ARHGAP6: variants seen among roughly 807,000 people sequenced by gnomAD.
The protein encoded by ARHGAP6 is rho GTPase-activating protein 6.
ARHGAP6 carries 16 observed loss-of-function variants against 55.7 expected under a neutral mutation model. The ratio of observed to expected loss-of-function variants is 0.29; its 90% CI spans 0.19 to 0.44. The LOEUF (loss-of-function observed/expected upper bound fraction) is 0.44, where lower values mean the gene tolerates loss of function less well. ARHGAP6 is among the 20% of genes least tolerant of loss of function. ARHGAP6 has a pLI of 1.00. For synonymous variants in ARHGAP6, 382 were observed against 360.9 expected (o/e 1.06, Z -0.66); for missense variants, 698 against 808.9 (o/e 0.86, Z 1.66).
At position 11,642,553 on chromosome X, in the gene ARHGAP6, T is replaced by G. The variant is rs767311415; in HGVS notation, c.588+21688A>C. Among the ~76,000 whole-genome samples the G allele has an allele frequency of 4.5e-5, 5 of 112,089 alleles. No homozygotes were observed. In the East Asian group the frequency reaches 1.4e-3, roughly 31 times the overall value. On this transcript the variant is annotated intron_variant, in intron 1 of 12. Transcript: ENST00000337414. The stretch of plus-strand genomic sequence containing the variant: ...AACAACCTAACTATCCATTAACTGA[T>G]GAATGGATCAATAAGATGTGGTCTA...
chrX:11,437,807 A>C (rs2050001478), intron 1 of ARHGAP6, among the ~76,000 whole-genome samples: 1 of 112,459 alleles, frequency 8.9e-6, no homozygotes, highest in Non-Finnish European at 1.9e-5. Context: ...CCAGAACCCC[A>C]CAGAGTGCTC....
At chrX:11,300,756 A>C in intron 1 of ARHGAP6, 1 of 561,477 alleles carries the variant, frequency 1.8e-6, no homozygotes, top group Non-Finnish European at 3.0e-6. Context: ...AATGCATTAA[A>C]AATCATTCAT....
intron 2 of ARHGAP6, among the ~76,000 whole-genome samples, chrX:11,236,829 G>A (rs1255536134): frequency 8.9e-6 from 1 of 112,239 alleles, no homozygotes; most frequent in Non-Finnish European, 1.9e-5. Flanking sequence ...AATAAGCGCA[G>A]TTCTGTCTTG....
At chrX:11,389,210 A>T (rs749623356) in intron 1 of ARHGAP6, among the ~76,000 whole-genome samples, 1 of 112,176 alleles carries the variant, frequency 8.9e-6, no homozygotes, top group South Asian at 3.7e-4. Context: ...CAATGTGCTG[A>T]GGCAGAAAGA....
chrX:11,626,575 T>C (rs184364171), intron 1 of ARHGAP6, among the ~76,000 whole-genome samples: 2 of 112,018 alleles, frequency 1.8e-5, no homozygotes, highest in East Asian at 2.8e-4. Flanking sequence ...AATGCAAGGA[T>C]GGTTCAATGG....
chrX:11,234,869 T>C (rs1027328209), intron 2 of ARHGAP6, among the ~76,000 whole-genome samples: 1 of 112,740 alleles, frequency 8.9e-6, no homozygotes, highest in Non-Finnish European at 1.9e-5. Context: ...TCAGAAATTA[T>C]AAGAAATGAT....
At chrX:11,295,832 A>C (rs1231556639) in intron 1 of ARHGAP6, among the ~76,000 whole-genome samples, 1 of 111,942 alleles carries the variant, frequency 8.9e-6, no homozygotes, top group Non-Finnish European at 1.9e-5. Context: ...ATGAAATGTG[A>C]GCATTTTTAA....
At chrX:11,294,663 C>T (rs2147561282) in intron 1 of ARHGAP6, 1 of 790,808 alleles carries the variant, frequency 1.3e-6, no homozygotes, top group East Asian at 3.2e-5. Context: ...CAAACAATGG[C>T]TCCATCCTTC....
rs186244887 is a variant in ARHGAP6, at chrX:11,371,904, A to G, written c.589-117197T>C. ...CTCTGTAAAAGTATATTATCATTTT[A>G]ATCTAGATTTAATGTATCTCATAAG... On this transcript the variant is annotated intron_variant, in intron 1 of 12. Transcript: ENST00000337414. Among the ~76,000 whole-genome samples the G allele has an allele frequency of 7.4e-3, 837 of 112,598 alleles. 2 individuals are homozygous for G. Among genetic ancestry groups the G allele is most frequent in the Non-Finnish European group, 0.012 (617 of 53,246 alleles).
intron 10 of ARHGAP6, among the ~76,000 whole-genome samples, chrX:11,153,545 A>T (rs975046897): frequency 2.8e-5 from 3 of 106,530 alleles, no homozygotes; most frequent in African/African-American, 6.8e-5. Context: ...AAAAAAAAAA[A>T]AAAAGGCAAC....
At chrX:11,227,163 G>A (rs1405511184) in intron 2 of ARHGAP6, among the ~76,000 whole-genome samples, 4 of 111,316 alleles carry the variant, frequency 3.6e-5, no homozygotes, top group African/African-American at 1.3e-4. Context: ...AGCAACTTAA[G>A]GATGATCTGT....
chrX:11,138,837 CA>C lies in ARHGAP6; in HGVS notation c.*25del. 8.6e-7 allele frequency: 1 copy of C among 1,162,713 alleles called. No individual in the cohort carries two copies. Among genetic ancestry groups the C allele is most frequent in the Non-Finnish European group, 1.1e-6 (1 of 876,535 alleles). On this transcript the variant is annotated 3_prime_UTR_variant, in exon 13 of 13. Coordinates refer to ENST00000337414, the MANE Select transcript of ARHGAP6 (RefSeq NM_013427.3). Reference sequence around the variant, plus strand: ...GGGCTGGAGGGCGGGGGGCTCGGGGCAGGGGGGGCTCGGCTGGGTGCGGGCT... The same window carrying C: ...GGGCTGGAGGGCGGGGGGCTCGGGGCGGGGGGGCTCGGCTGGGTGCGGGCT...
chrX:11,486,178 C>T (rs1444014393), intron 1 of ARHGAP6, among the ~76,000 whole-genome samples: 1 of 111,749 alleles, frequency 8.9e-6, no homozygotes, highest in African/African-American at 3.3e-5. Flanking sequence ...GTTATAGTGA[C>T]CTGAAAATAA....
At chrX:11,241,531 CGTGTGT>C (rs55815640) in intron 2 of ARHGAP6, among the ~76,000 whole-genome samples, 1,943 of 91,689 alleles carry the variant, frequency 0.021, 54 homozygotes, top group African/African-American at 0.067. Context: ...ATGCTGGATA[CGTGTGT>C]GTGTGTGTGT....
At chrX:11,142,493 C>A in intron 11 of ARHGAP6, 180 bp from the exon 12 acceptor site, 1 of 234,917 alleles carries the variant, frequency 4.3e-6, no homozygotes, top group South Asian at 1.2e-4. Context: ...TACAAAAAGG[C>A]CCTTTCTATA....
At chrX:11,568,210 T>C (rs1188605815) in intron 1 of ARHGAP6, among the ~76,000 whole-genome samples, 2 of 111,895 alleles carry the variant, frequency 1.8e-5, no homozygotes, top group Non-Finnish European at 3.8e-5. Context: ...CAACAAAAAA[T>C]AGTGTGGCGT....
chrX:11,174,564 TC>T (rs1420167461), intron 8 of ARHGAP6, among the ~76,000 whole-genome samples: 2 of 79,448 alleles, frequency 2.5e-5, no homozygotes, highest in Non-Finnish European at 4.9e-5. Flanking sequence ...CTTCCTTCCT[TC>T]CTTCCTTCCT....
At chrX:11,591,423 G>A (rs948712488) in intron 1 of ARHGAP6, among the ~76,000 whole-genome samples, 22 of 107,260 alleles carry the variant, frequency 2.1e-4, no homozygotes, top group African/African-American at 7.4e-4. Context: ...TTAATTTAAA[G>A]CCTCTATTAT....
chrX:11,520,133 A>ATATATATATATATATATATT (rs2050899608), intron 1 of ARHGAP6, among the ~76,000 whole-genome samples: 2 of 21,678 alleles, frequency 9.2e-5, no homozygotes, highest in Non-Finnish European at 1.5e-4. Context: ...AATTGATTTT[A>ATATATATATATATATATATT]TATATATATA....
Sources: allele counts gnomAD v4.1 joint callset (sites outside exome capture counted in the v4.1 genomes callset), GRCh38; gene constraint gnomAD v4.1.1; transcripts MANE v1.5; gene names NCBI Gene and HGNC (gene_info 2026-07-23, HGNC 2026-07-21).